DCTN5: variants seen among roughly 807,000 people sequenced by gnomAD.
DCTN5 encodes the protein dynactin 4.
Under a neutral mutation model 23.5 loss-of-function variants are expected in DCTN5, and 14 were observed. The ratio of observed to expected loss-of-function variants is 0.60; its 90% confidence interval spans 0.39 to 0.93. The LOEUF (loss-of-function observed/expected upper bound fraction) is 0.93. DCTN5 is among the 40% of genes least tolerant of loss of function. The probability of loss-of-function intolerance (pLI) is 0.00; values close to 1 mark genes in which losing one functional copy is unlikely to be tolerated. For missense variants in DCTN5, 156 were observed against 225.9 expected (o/e 0.69, Z 1.98); for synonymous variants, 67 against 79.6 (o/e 0.84, Z 0.84).
intron 1 of DCTN5, among the ~76,000 whole-genome samples, chr16:23,641,813 G>A (rs1967273086): frequency 6.6e-6 from 1 of 152,134 alleles, no homozygotes; most frequent in South Asian, 2.1e-4. Flanking sequence ...TAGGGGTAAA[G>A]TGCCTTCGGG....
intron 3 of DCTN5, among the ~76,000 whole-genome samples, chr16:23,658,858 C>T (rs1967760372): frequency 6.6e-6 from 1 of 152,176 alleles, no homozygotes; most frequent in South Asian, 2.1e-4. Context: ...TCTGATCAAA[C>T]AGACTGGCGT....
rs1959224011 is a variant in DCTN5, at chr16:23,676,220, A to T, written c.*9076A>T. 1 of 151,638 alleles carries T rather than the reference A, an allele frequency of 6.6e-6. No individual in the cohort carries two copies. Among genetic ancestry groups the T allele is most frequent in the East Asian group, 1.9e-4 (1 of 5,194 alleles). The allele number at this position is 151,638 out of a possible 1,614,324, so 9.4% of individuals were successfully genotyped here. On this transcript the variant is annotated 3_prime_UTR_variant, in exon 6 of 6. Transcript: ENST00000300087. Reference sequence around the variant, plus strand: ...AAAAAAAAAAAAAGGTTCAGACAGCAATTAAGGGCTGGGCACGGTGGCTCA... The same window carrying T: ...AAAAAAAAAAAAAGGTTCAGACAGCTATTAAGGGCTGGGCACGGTGGCTCA...
chr16:23,655,543 A>ATTTTTTTTT (rs763639132), intron 2 of DCTN5, among the ~76,000 whole-genome samples: 1 of 141,694 alleles, frequency 7.1e-6, no homozygotes. Flanking sequence ...GCCCTGCTTA[A>ATTTTTTTTT]TTTTTTTTTT....
In DCTN5 at chr16:23,667,309, T is replaced by A; in HGVS notation, c.*165T>A. ...CTCAATCTTCAAGGCTCTAAGTGCT[T>A]AAGAATTCACTAACAGACAGACCAT... On this transcript the variant is annotated 3_prime_UTR_variant, in exon 6 of 6. Transcript: ENST00000300087. 1 of 809,438 alleles carries A rather than the reference T, an allele frequency of 1.2e-6. No individual in the cohort carries two copies. Among genetic ancestry groups the A allele is most frequent in the Non-Finnish European group, 1.9e-6 (1 of 524,436 alleles). The allele number at this position is 809,438 out of a possible 1,614,324, so 50.1% of individuals were successfully genotyped here. A position where few individuals can be genotyped will look rare whatever the true frequency, so the allele number is the denominator to read the frequency against.
rs1967937473 is a variant in DCTN5, at chr16:23,667,992, A to G, written c.*848A>G. ...TTCAGCCTACCCTGTATTTGCCATA[A>G]ACTCCACAATTCACACCAAAATGTC... On this transcript the variant is annotated 3_prime_UTR_variant, in exon 6 of 6. Transcript: ENST00000300087. 1 of 152,188 alleles carries G rather than the reference A, an allele frequency of 6.6e-6. No individual in the cohort carries two copies. The highest frequency in any genetic ancestry group is 6.5e-5 in the Admixed American group (1 of 15,274). 9.4% of individuals were successfully genotyped at this position (152,188 alleles called of 1,614,324 possible).
In DCTN5 at chr16:23,667,960, AGAACC is replaced by A. The variant is rs1967937048; in HGVS notation, c.*817_*821del. On this transcript the variant is annotated 3_prime_UTR_variant, in exon 6 of 6. Transcript: ENST00000300087. ...TTTGTGAACTCTTGCTTCCTGGCCT[AGAACC>A]ATTCAGCCTACCCTGTATTTGCCAT... The A allele has an allele frequency of 6.6e-6, 1 of 152,242 alleles. No homozygotes were observed. Among genetic ancestry groups the A allele is most frequent in the Non-Finnish European group, 1.5e-5 (1 of 68,056 alleles). 9.4% of individuals were successfully genotyped at this position (152,242 alleles called of 1,614,324 possible).
Position 23,666,972 on chromosome 16 carries a change from G to A in DCTN5, c.452-75G>A, listed in dbSNP as rs750838210. The A allele has an allele frequency of 2.3e-5, 36 of 1,592,318 alleles. No individual in the cohort carries two copies. The African/African-American group carries it at 4.2e-4, about 18-fold the overall frequency. ...GACATGCATCTGATTGAGGTGAGAAGGATATTGCCAGAGAAATATCTTAAC... is the reference window on the plus strand; with the variant it reads ...GACATGCATCTGATTGAGGTGAGAAAGATATTGCCAGAGAAATATCTTAAC... On this transcript the variant is annotated intron_variant, in intron 5 of 5. Transcript: ENST00000300087.
In DCTN5 at chr16:23,645,096, TA is replaced by T. The variant is rs1567228237; in HGVS notation, c.117+2074del. ...CACCCAGCCTAACTATATATATATA[TA>T]TATATATATATATATATATATATAT... is the stretch of plus-strand genomic sequence containing the variant. On this transcript the variant is annotated intron_variant, in intron 2 of 5. Coordinates refer to ENST00000300087, the MANE Select transcript of DCTN5 (RefSeq NM_032486.4). 4.8e-3 allele frequency among the ~76,000 whole-genome samples: 72 copies of T among 15,020 alleles called. 7 individuals are homozygous for T. The highest frequency in any genetic ancestry group is 9.9e-3 in the East Asian group (6 of 608). The allele number at this position is 15,020 out of a possible 152,430, so 9.9% of individuals were successfully genotyped here. A position where few individuals can be genotyped will look rare whatever the true frequency, so the allele number is the denominator to read the frequency against.
intron 4 of DCTN5, among the ~76,000 whole-genome samples, chr16:23,661,552 CTACAAAAA>C (rs1450217077): frequency 7.2e-5 from 11 of 151,956 alleles, no homozygotes; most frequent in African/African-American, 2.7e-4. Context: ...AACCCTGTCT[CTACAAAAA>C]TACAAAAATT....
intron 2 of DCTN5, 123 bp downstream of exon 2, chr16:23,643,146 G>C: frequency 1.3e-6 from 1 of 764,428 alleles, no homozygotes; most frequent in South Asian, 1.9e-5. Context: ...TAATTCTCTT[G>C]TTTTTAAATT....
chr16:23,646,788 C>G (rs925154440), intron 2 of DCTN5, among the ~76,000 whole-genome samples: 1 of 152,066 alleles, frequency 6.6e-6, no homozygotes, highest in Non-Finnish European at 1.5e-5. Flanking sequence ...ATTGGTCAGG[C>G]TGGTCTCAAA....
chr16:23,642,764 G>T, intron 1 of DCTN5, 191 bp from the exon 2 acceptor site: 1 of 584,666 alleles, frequency 1.7e-6, no homozygotes, highest in Non-Finnish European at 3.1e-6. Context: ...TGAGATTACA[G>T]GCATGAGCCA....
At chr16:23,662,393 A>G (rs1967830842) in intron 4 of DCTN5, among the ~76,000 whole-genome samples, 1 of 152,196 alleles carries the variant, frequency 6.6e-6, no homozygotes, top group Non-Finnish European at 1.5e-5. Context: ...ATTTAACCCA[A>G]CCAAGGCTTA....
chr16:23,645,603 C>T (rs76571155), intron 2 of DCTN5, among the ~76,000 whole-genome samples: 9,613 of 152,196 alleles, frequency 0.063, 639 homozygotes, highest in African/African-American at 0.16. Flanking sequence ...TACTTTCTGT[C>T]TCTATGAATT....
intron 3 of DCTN5, among the ~76,000 whole-genome samples, chr16:23,660,307 C>G (rs941489314): frequency 2.0e-5 from 3 of 152,234 alleles, no homozygotes; most frequent in Non-Finnish European, 4.4e-5. Context: ...CTGCCCTTCT[C>G]TCTGCATTTC....
At chr16:23,649,231 C>T (rs560009426) in intron 2 of DCTN5, among the ~76,000 whole-genome samples, 1 of 152,146 alleles carries the variant, frequency 6.6e-6, no homozygotes, top group African/African-American at 2.4e-5. Flanking sequence ...TGAGAAATGT[C>T]GATTCAAATC....
intron 2 of DCTN5, among the ~76,000 whole-genome samples, chr16:23,645,123 ATATATATATATATATTTT>A (rs1967419439): frequency 1.2e-4 from 4 of 32,100 alleles, no homozygotes; most frequent in South Asian, 8.0e-4. Context: ...ATATATATAT[ATATATATATATATATTTT>A]TTTTTTTTTT....
intron 2 of DCTN5, chr16:23,651,033 A>ACT: frequency 7.2e-7 from 1 of 1,394,964 alleles, no homozygotes; most frequent in Non-Finnish European, 9.3e-7. Flanking sequence ...CCACTACTCA[A>ACT]ATAGTAATGT....
intron 2 of DCTN5, among the ~76,000 whole-genome samples, chr16:23,657,056 T>A (rs1415144501): frequency 6.6e-6 from 1 of 151,788 alleles, no homozygotes; most frequent in African/African-American, 2.4e-5. Flanking sequence ...ATCTAAAGGG[T>A]CAGTTTTCCT....
Sources: allele counts gnomAD v4.1 joint callset (sites outside exome capture counted in the v4.1 genomes callset), GRCh38; gene constraint gnomAD v4.1.1; transcripts MANE v1.5; gene names NCBI Gene and HGNC (gene_info 2026-07-23, HGNC 2026-07-21).